Variants in RABGAP1 observed in about 807,000 individuals in gnomAD.
The protein encoded by RABGAP1 is rab GTPase-activating protein 1.
RABGAP1 carries 23 observed loss-of-function variants against 137.6 expected under a neutral mutation model. The observed-to-expected ratio is 0.17, with a 90% CI of 0.12 to 0.24. The LOEUF is 0.24. RABGAP1 is among the 10% of genes least tolerant of loss of function. RABGAP1 has a pLI of 1.00. For missense variants in RABGAP1, 906 were observed against 1,275.8 expected, an observed-to-expected ratio of 0.71 and a Z score of 4.42; for synonymous variants, 451 against 450.7, an observed-to-expected ratio of 1.00 and a Z score of -0.01.
Position 122,990,769 on chromosome 9 carries a change from C to CAAAAA in RABGAP1, c.923+580_923+584dup, listed in dbSNP as rs869120702. On this transcript the variant is annotated intron_variant, in intron 6 of 25. Coordinates refer to ENST00000373647, the MANE Select transcript of RABGAP1 (RefSeq NM_012197.4). ...GGGCAACGAGAACGAAACTCCGTCT[C>CAAAAA]AAAAAAAAAAAAAAAAAAAAAAAAA... is the stretch of plus-strand genomic sequence containing the variant. The CAAAAA allele has an allele frequency of 4.4e-4, 7 of 15,910 alleles. 1 individual carries two copies. Among genetic ancestry groups the CAAAAA allele is most frequent in the African/African-American group, 1.7e-3 (4 of 2,380 alleles). 1.0% of individuals were successfully genotyped at this position (15,910 alleles called of 1,614,324 possible). A position where few individuals can be genotyped will look rare whatever the true frequency, so the allele number is the denominator to read the frequency against.
At chr9:123,101,813 G>A (rs1180642535) in intron 25 of RABGAP1, 50 bp downstream of exon 25, 2 of 1,496,486 alleles carry the variant, frequency 1.3e-6, no homozygotes, top group East Asian at 2.4e-5. Flanking sequence ...GTTTCCTGAT[G>A]TGCACTAGAG....
intron 10 of RABGAP1, among the ~76,000 whole-genome samples, chr9:123,001,167 A>G (rs145175668): frequency 3.7e-4 from 56 of 152,152 alleles, no homozygotes; most frequent in Admixed American, 5.9e-4. Flanking sequence ...TATTTTTTTA[A>G]CCAGACTTTT....
At chr9:123,011,511 A>G (rs1051976464) in intron 11 of RABGAP1, among the ~76,000 whole-genome samples, 5 of 152,336 alleles carry the variant, frequency 3.3e-5, no homozygotes, top group Admixed American at 6.5e-5. Context: ...TGAGTTTCCA[A>G]TACCTACTGT....
In RABGAP1 at chr9:123,038,652, G is replaced by A. The variant is rs1185920226; in HGVS notation, c.1794+18193G>A. ...TTAAGAATGGGAAAACTGTGGCATT[G>A]AGATTTTTTGAAGTCCTCATAAATC... On this transcript the variant is annotated intron_variant, in intron 13 of 25. Coordinates refer to ENST00000373647, the MANE Select transcript of RABGAP1 (RefSeq NM_012197.4). Among the ~76,000 whole-genome samples the A allele has an allele frequency of 2.0e-5, 3 of 151,992 alleles. No homozygotes were observed. In the East Asian group the frequency reaches 5.8e-4, roughly 29 times the overall value.
intron 1 of RABGAP1, among the ~76,000 whole-genome samples, chr9:122,956,134 T>C (rs1834503003): frequency 6.6e-6 from 1 of 152,216 alleles, no homozygotes; most frequent in Non-Finnish European, 1.5e-5. Flanking sequence ...ATGTTCATAT[T>C]GAGCTGAGTT....
intron 2 of RABGAP1, among the ~76,000 whole-genome samples, chr9:122,957,940 C>T (rs568088818): frequency 1.3e-5 from 2 of 149,428 alleles, no homozygotes; most frequent in East Asian, 2.0e-4. Context: ...GTCATGTGCT[C>T]AACAGCATCT....
At chr9:122,984,398 A>G (rs1241190032) in intron 2 of RABGAP1, 87 bp from the exon 3 acceptor site, 1 of 1,062,904 alleles carries the variant, frequency 9.4e-7, no homozygotes, top group Non-Finnish European at 1.4e-6. Flanking sequence ...AGAAATGCTA[A>G]TGATTTTCTT....
the RABGAP1 span, among the ~76,000 whole-genome samples, chr9:122,932,786 C>T: frequency 6.6e-6 from 1 of 152,190 alleles, no homozygotes; most frequent in African/African-American, 2.4e-5. Context: ...CCCGCCTTGG[C>T]CTCCCAAAGT....
chr9:123,047,480 A>G (rs771232440), intron 13 of RABGAP1, among the ~76,000 whole-genome samples: 6 of 152,170 alleles, frequency 3.9e-5, no homozygotes, highest in Non-Finnish European at 8.8e-5. Flanking sequence ...ATACTAATAT[A>G]CTTTGCTTGG....
chr9:122,944,722 C>T (rs983449841), intron 1 of RABGAP1, among the ~76,000 whole-genome samples: 9 of 151,432 alleles, frequency 5.9e-5, no homozygotes, highest in Admixed American at 5.9e-4. Context: ...AGGCGCGCAC[C>T]ACCACACCCA....
At chr9:122,963,235 C>T (rs1834945492) in intron 2 of RABGAP1, among the ~76,000 whole-genome samples, 1 of 152,072 alleles carries the variant, frequency 6.6e-6, no homozygotes, top group African/African-American at 2.4e-5. Flanking sequence ...ATAGCAAGTC[C>T]CCGTCTCATT....
chr9:122,977,722 AAGC>A (rs1441651134), intron 2 of RABGAP1, among the ~76,000 whole-genome samples: 1 of 152,136 alleles, frequency 6.6e-6, no homozygotes, highest in Non-Finnish European at 1.5e-5. Flanking sequence ...AGAAAAAAAA[AAGC>A]AGGAAGAGGA....
At chr9:122,968,649 C>T (rs963474782) in intron 2 of RABGAP1, among the ~76,000 whole-genome samples, 2 of 152,066 alleles carry the variant, frequency 1.3e-5, no homozygotes, top group Non-Finnish European at 2.9e-5. Flanking sequence ...GAGTCTTGCT[C>T]TGTCACCCAC....
chr9:122,995,298 C>T lies in RABGAP1; in HGVS notation c.924-743C>T, dbSNP rs147608735. Among the ~76,000 whole-genome samples the T allele has an allele frequency of 4.6e-5, 7 of 152,162 alleles. No homozygotes were observed. The East Asian group carries it at 1.4e-3, about 29-fold the overall frequency. ...TCATTTCTATTACTTTTTAAAGATA[C>T]CTTGCTTTGAAACTCAAAAGATCTA... is the stretch of plus-strand genomic sequence containing the variant. On this transcript the variant is annotated intron_variant, in intron 6 of 25. Transcript: ENST00000373647.
chr9:122,936,827 G>A (rs751201085), upstream of RABGAP1, among the ~76,000 whole-genome samples: 5 of 152,150 alleles, frequency 3.3e-5, no homozygotes, highest in Non-Finnish European at 1.5e-5. Context: ...CAATCACTTA[G>A]GCAGGGGAAA....
intron 19 of RABGAP1, among the ~76,000 whole-genome samples, chr9:123,078,048 G>A (rs1241723117): frequency 2.0e-5 from 3 of 152,186 alleles, no homozygotes; most frequent in Non-Finnish European, 4.4e-5. Context: ...GGAACTATGT[G>A]TAGCTATTAG....
intron 24 of RABGAP1, among the ~76,000 whole-genome samples, chr9:123,100,383 ATGTGTGTGTGTGTGTGTG>A (rs56811028): frequency 0.01 from 1,429 of 136,516 alleles, 16 homozygotes; most frequent in South Asian, 0.019. Context: ...GTTTAACCAG[ATGTGTGTGTGTGTGTGTG>A]TGTGTGTGTG....
At chr9:123,064,037 C>G (rs1359227811) in intron 13 of RABGAP1, among the ~76,000 whole-genome samples, 1 of 152,160 alleles carries the variant, frequency 6.6e-6, no homozygotes, top group Non-Finnish European at 1.5e-5. Flanking sequence ...CTCTCTCACT[C>G]GCTCTCACTC....
chr9:123,000,684 T>C (rs1187783690), intron 10 of RABGAP1, among the ~76,000 whole-genome samples: 2 of 152,134 alleles, frequency 1.3e-5, no homozygotes. Flanking sequence ...CTTTTTTTTT[T>C]CTTTTTTAAA....
Sources: gnomAD v4.1 joint callset for allele counts (sites outside exome capture counted in the v4.1 genomes callset) on GRCh38, gnomAD v4.1.1 for gene constraint, MANE v1.5 for transcripts, NCBI Gene and HGNC (gene_info 2026-07-23, HGNC 2026-07-21) for gene names.